FANCD2: variants seen among roughly 807,000 people sequenced by gnomAD.
The protein encoded by FANCD2 is FA complementation group D2.
In FANCD2, 131 loss-of-function variants were observed where a neutral mutation model predicts 192.3. That is an observed-to-expected ratio of 0.68 (90% CI 0.59 to 0.79). The LOEUF (loss-of-function observed/expected upper bound fraction) is 0.79. Among genes scored for constraint, FANCD2 ranks in the 30% least tolerant of loss-of-function variants. The probability of loss-of-function intolerance (pLI) is 0.00; values close to 1 mark genes in which losing one functional copy is unlikely to be tolerated. For missense variants in FANCD2, 1,508 were observed against 1,701.6 expected, an observed-to-expected ratio of 0.89 and a Z score of 2.00; for synonymous variants, 524 against 612.5, an observed-to-expected ratio of 0.86 and a Z score of 2.13.
At chr3:10,049,308 T>C in intron 16 of FANCD2, 66 bp from the exon 17 acceptor site, 1 of 1,441,908 alleles carries the variant, frequency 6.9e-7, no homozygotes, top group Admixed American at 1.7e-5. Flanking sequence ...GCCTTGGGGG[T>C]GAATCCCTTT....
chr3:10,050,340 G>A (rs1420401467), intron 17 of FANCD2, among the ~76,000 whole-genome samples: 1 of 152,112 alleles, frequency 6.6e-6, no homozygotes. Flanking sequence ...AGAATATGTG[G>A]CGGTCCGGGT....
intron 18 of FANCD2, among the ~76,000 whole-genome samples, chr3:10,053,515 C>G (rs1425287573): frequency 6.8e-6 from 1 of 147,726 alleles, no homozygotes; most frequent in Admixed American, 6.7e-5. Flanking sequence ...TACCCTAAAA[C>G]TTACAGTATA....
chr3:10,072,697 T>C (rs1320051006), intron 26 of FANCD2, among the ~76,000 whole-genome samples, 174 bp from the exon 27 acceptor site: 1 of 152,286 alleles, frequency 6.6e-6, no homozygotes, highest in African/African-American at 2.4e-5. Context: ...GTGTTATCTC[T>C]GGCCATTTTG....
intron 29 of FANCD2, 137 bp downstream of exon 29, chr3:10,074,810 A>G (rs1186918279): frequency 2.5e-5 from 18 of 715,604 alleles, no homozygotes; most frequent in East Asian, 2.6e-5. Flanking sequence ...TGTGAAAGCA[A>G]TGATGAATAA....
chr3:10,028,261 GT>G (rs1469609373), intron 1 of FANCD2, among the ~76,000 whole-genome samples: 1 of 152,096 alleles, frequency 6.6e-6, no homozygotes, highest in Non-Finnish European at 1.5e-5. Context: ...TGTCTGTCTA[GT>G]TCACAGTTGT....
intron 18 of FANCD2, among the ~76,000 whole-genome samples, chr3:10,057,000 G>T (rs1279036910): frequency 4.6e-5 from 7 of 151,982 alleles, no homozygotes; most frequent in African/African-American, 9.7e-5. Flanking sequence ...GACCATAGGT[G>T]TGCACCACCA....
chr3:10,066,823 C>G (rs151108286), intron 25 of FANCD2, among the ~76,000 whole-genome samples: 54 of 152,316 alleles, frequency 3.5e-4, no homozygotes, highest in African/African-American at 1.2e-3. Context: ...CTCCCAGGTT[C>G]AGGCAATTCT....
chr3:10,043,558 G>T lies in FANCD2; in HGVS notation c.1064G>T (p.Arg355Ile). 6.2e-7 allele frequency: 1 copy of T among 1,613,748 alleles called. No individual in the cohort carries two copies. The highest frequency in any genetic ancestry group is 8.5e-7 in the Non-Finnish European group (1 of 1,179,676). The change falls in exon 13 of 44, where the codon AGA (arginine) becomes ATA (isoleucine). Residue 355 changes from arginine to isoleucine, a missense_variant. By Grantham distance (97) the Arg-to-Ile change is moderately conservative. Coordinates refer to ENST00000675286, the MANE Select transcript of FANCD2 (RefSeq NM_001018115.3). ...TTTGATGTAATAAAGTCAGCTATTA[G>T]ATATGAGAAAACCATTTCAGAAGCC... The part of the protein sequence containing the change: ...LLFDVIKSAI[R>I]YEKTISEAWI...
chr3:10,099,298 A>T, intron 43 of FANCD2: 1 of 1,242,230 alleles, frequency 8.1e-7, no homozygotes, highest in Non-Finnish European at 1.0e-6. Flanking sequence ...TGTGGTACAG[A>T]TGCTTTCGAC....
rs150100340 is a variant in FANCD2, at chr3:10,044,224, A to G, written c.1134+360A>G. On this transcript the variant is annotated intron_variant, in intron 14 of 43. Coordinates refer to ENST00000675286, the MANE Select transcript of FANCD2 (RefSeq NM_001018115.3). ...TATCTGCCTAATTGCCCTTCCTTCCACTCAGCACCACTGTCAAGATAATGG... is the reference window on the plus strand; with the variant it reads ...TATCTGCCTAATTGCCCTTCCTTCCGCTCAGCACCACTGTCAAGATAATGG... 5.3e-5 allele frequency among the ~76,000 whole-genome samples: 8 copies of G among 152,222 alleles called. No individual in the cohort carries two copies. In the East Asian group the frequency reaches 7.7e-4, roughly 15 times the overall value.
chr3:10,101,174 T>G lies in FANCD2; in HGVS notation c.4282-14T>G, dbSNP rs1695276973. The G allele has an allele frequency of 6.2e-7, 1 of 1,604,050 alleles. No homozygotes were observed. Among genetic ancestry groups the G allele is most frequent in the Non-Finnish European group, 8.5e-7 (1 of 1,170,986 alleles). Reference sequence around the variant, plus strand: ...TAACCTAAAATGCTTATTTATTTATTCTTTGCCCCTTAGGATGGTGAAGAA... The same window carrying G: ...TAACCTAAAATGCTTATTTATTTATGCTTTGCCCCTTAGGATGGTGAAGAA... On this transcript the variant is annotated splice_polypyrimidine_tract_variant and intron_variant, in intron 43 of 43. Coordinates refer to ENST00000675286, the MANE Select transcript of FANCD2 (RefSeq NM_001018115.3).
chr3:10,078,690 G>A (rs548832619), intron 30 of FANCD2, among the ~76,000 whole-genome samples: 14 of 151,700 alleles, frequency 9.2e-5, no homozygotes, highest in African/African-American at 1.2e-4. Context: ...AAGGCTGGGC[G>A]TGGTGGCTCA....
intron 25 of FANCD2, among the ~76,000 whole-genome samples, chr3:10,066,852 G>GTAATCCC (rs1559390098): frequency 6.6e-6 from 1 of 152,112 alleles, no homozygotes; most frequent in African/African-American, 2.4e-5. Flanking sequence ...AGCCTCCCTA[G>GTAATCCC]TAGCTGGGAT....
chr3:10,093,953 T>C (rs1694804207), intron 39 of FANCD2, among the ~76,000 whole-genome samples: 1 of 152,218 alleles, frequency 6.6e-6, no homozygotes, highest in Non-Finnish European at 1.5e-5. Flanking sequence ...ATATGCTTTC[T>C]CAGCTTTACC....
At chr3:10,062,695 T>A (rs1184629439) in intron 20 of FANCD2, among the ~76,000 whole-genome samples, 3 of 152,062 alleles carry the variant, frequency 2.0e-5, no homozygotes, top group African/African-American at 7.2e-5. Flanking sequence ...CTGGCTTGGG[T>A]AGCATTTATT....
At chr3:10,052,641 C>T (rs2087253075) in intron 18 of FANCD2, 144 bp downstream of exon 18, 1 of 670,146 alleles carries the variant, frequency 1.5e-6, no homozygotes, top group African/African-American at 1.8e-5. Flanking sequence ...GCCTCAGCCT[C>T]CCAAGTGGCT....
chr3:10,072,832 A>G (rs1693329842), intron 26 of FANCD2, 39 bp from the exon 27 acceptor site: 9 of 1,071,332 alleles, frequency 8.4e-6, no homozygotes, highest in Non-Finnish European at 1.3e-5. Context: ...GTGGTGTGTA[A>G]TTGGTACACA....
chr3:10,049,738 A>C (rs1479629931), intron 17 of FANCD2, among the ~76,000 whole-genome samples: 3 of 152,214 alleles, frequency 2.0e-5, no homozygotes, highest in Non-Finnish European at 4.4e-5. Context: ...AAGACACATA[A>C]GCAAGTCACT....
chr3:10,048,680 A>G (rs2087105783), intron 16 of FANCD2, among the ~76,000 whole-genome samples: 1 of 152,218 alleles, frequency 6.6e-6, no homozygotes, highest in Admixed American at 6.5e-5. Context: ...GCAAGTAAAG[A>G]ACAGTGTCTT....
Sources: gnomAD v4.1 joint callset for allele counts (sites outside exome capture counted in the v4.1 genomes callset) on GRCh38, gnomAD v4.1.1 for gene constraint, MANE v1.5 for transcripts, NCBI Gene and HGNC (gene_info 2026-07-23, HGNC 2026-07-21) for gene names.